DOK5: variants seen among roughly 807,000 people sequenced by gnomAD.
The protein encoded by DOK5 is docking protein 5.
DOK5 carries 27 observed loss-of-function variants against 43.3 expected under a neutral mutation model. The ratio of observed to expected loss-of-function variants is 0.62; its 90% CI spans 0.46 to 0.86. The LOEUF is 0.86. Among genes scored for constraint, DOK5 ranks in the 40% least tolerant of loss-of-function variants. The pLI, the probability that DOK5 is intolerant of heterozygous loss-of-function variation, is 0.00. For missense variants in DOK5, 373 were observed against 392.9 expected (o/e 0.95, Z 0.43); for synonymous variants, 146 against 140.1 (o/e 1.04, Z -0.30).
At chr20:54,650,380 A>G (rs368274278) in intron 7 of DOK5, 35 bp from the exon 8 acceptor site, 1 of 1,606,478 alleles carries the variant, frequency 6.2e-7, no homozygotes, top group Non-Finnish European at 8.5e-7. Context: ...CTTTCTTGAA[A>G]TGTAACTGTT....
At chr20:54,602,029 C>A (rs1986313816) in intron 5 of DOK5, among the ~76,000 whole-genome samples, 1 of 152,166 alleles carries the variant, frequency 6.6e-6, no homozygotes, top group Non-Finnish European at 1.5e-5. Flanking sequence ...GTCATTCTTG[C>A]TTCCCTACTG....
chr20:54,593,035 C>A (rs1050149506), intron 5 of DOK5, among the ~76,000 whole-genome samples: 1 of 152,180 alleles, frequency 6.6e-6, no homozygotes, highest in Non-Finnish European at 1.5e-5. Flanking sequence ...CTAAATACCC[C>A]AATCCATGTG....
chr20:54,508,288 T>A (rs969301801), intron 1 of DOK5, among the ~76,000 whole-genome samples: 20 of 151,966 alleles, frequency 1.3e-4, no homozygotes, highest in African/African-American at 4.6e-4. Context: ...TTACTACAAT[T>A]TTTCTTATTT....
At chr20:54,628,252 C>CA (rs1232322754) in intron 6 of DOK5, among the ~76,000 whole-genome samples, 31 of 151,126 alleles carry the variant, frequency 2.1e-4, no homozygotes, top group African/African-American at 7.3e-4. Context: ...ACTAAAAATA[C>CA]AAAAAAATTA....
At chr20:54,546,745 T>A (rs981723236) in intron 1 of DOK5, among the ~76,000 whole-genome samples, 2 of 152,150 alleles carry the variant, frequency 1.3e-5, no homozygotes, top group African/African-American at 4.8e-5. Flanking sequence ...CTTCATAGAA[T>A]AACTATAGAA....
chr20:54,649,594 G>T lies in DOK5; in HGVS notation c.857-821G>T, dbSNP rs551526013. On this transcript the variant is annotated intron_variant, in intron 7 of 7. Coordinates refer to ENST00000262593, the MANE Select transcript of DOK5 (RefSeq NM_018431.5). ...TGAGTCCTGAGATCTTCACCTAGCCGTGTACATTTCTTTGCTTGCGGTAAC... is the reference window on the plus strand; with the variant it reads ...TGAGTCCTGAGATCTTCACCTAGCCTTGTACATTTCTTTGCTTGCGGTAAC... Among the ~76,000 whole-genome samples, 9 of 152,214 alleles carry T rather than the reference G, an allele frequency of 5.9e-5. 1 individual carries two copies. The highest frequency in any genetic ancestry group is 5.9e-4 in the Admixed American group (9 of 15,300).
intron 1 of DOK5, among the ~76,000 whole-genome samples, chr20:54,496,353 G>GGTTATTAAAAAT (rs1386192879): frequency 6.6e-6 from 1 of 152,064 alleles, no homozygotes; most frequent in Non-Finnish European, 1.5e-5. Flanking sequence ...AGAATATAAG[G>GGTTATTAAAAAT]GTTATTAAAA....
At chr20:54,602,140 C>T (rs536285658) in intron 5 of DOK5, among the ~76,000 whole-genome samples, 13 of 152,244 alleles carry the variant, frequency 8.5e-5, no homozygotes, top group South Asian at 2.1e-4. Context: ...TTGGCTTTGA[C>T]GTTTTAAAGG....
intron 2 of DOK5, among the ~76,000 whole-genome samples, chr20:54,573,307 T>C (rs1472107440): frequency 6.6e-6 from 1 of 152,052 alleles, no homozygotes; most frequent in Non-Finnish European, 1.5e-5. Flanking sequence ...GCAGGGAGAA[T>C]GCTTGTTGGG....
chr20:54,477,704 G>A (rs1056594406), intron 1 of DOK5, among the ~76,000 whole-genome samples: 1 of 151,692 alleles, frequency 6.6e-6, no homozygotes, highest in East Asian at 1.9e-4. Context: ...GTCAATGGAA[G>A]GAATTGGTAT....
At chr20:54,607,609 G>C (rs539379944) in intron 5 of DOK5, among the ~76,000 whole-genome samples, 1 of 150,642 alleles carries the variant, frequency 6.6e-6, no homozygotes, top group Non-Finnish European at 1.5e-5. Context: ...ATTGGGGGCC[G>C]GGTGCAGTGA....
intron 7 of DOK5, among the ~76,000 whole-genome samples, chr20:54,645,659 C>A (rs1979377673): frequency 6.6e-6 from 1 of 151,982 alleles, no homozygotes; most frequent in African/African-American, 2.4e-5. Context: ...TCATAAGATG[C>A]AGATGATGGC....
At chr20:54,641,013 T>G (rs1487479073) in intron 6 of DOK5, among the ~76,000 whole-genome samples, 1 of 152,220 alleles carries the variant, frequency 6.6e-6, no homozygotes, top group African/African-American at 2.4e-5. Context: ...ATGAATTTTT[T>G]TATAGTATGT....
chr20:54,618,050 G>A (rs766325458), intron 6 of DOK5, among the ~76,000 whole-genome samples: 25 of 152,158 alleles, frequency 1.6e-4, no homozygotes, highest in Non-Finnish European at 2.5e-4. Flanking sequence ...GCAGGATACC[G>A]TGGCAAGTAG....
intron 2 of DOK5, among the ~76,000 whole-genome samples, chr20:54,567,468 C>A (rs1017598149): frequency 8.6e-5 from 13 of 151,854 alleles, no homozygotes; most frequent in Non-Finnish European, 1.6e-4. Flanking sequence ...GATTTTTTTA[C>A]CTTTGTCAAA....
chr20:54,479,049 G>A (rs1260805731), intron 1 of DOK5, among the ~76,000 whole-genome samples: 1 of 151,864 alleles, frequency 6.6e-6, no homozygotes, highest in African/African-American at 2.4e-5. Context: ...TGTACATATT[G>A]TATAATATAT....
At chr20:54,527,489 A>T (rs1356108743) in intron 1 of DOK5, among the ~76,000 whole-genome samples, 1 of 152,122 alleles carries the variant, frequency 6.6e-6, no homozygotes, top group Admixed American at 6.5e-5. Context: ...CAAACCTCTC[A>T]GGTTTGTGTG....
intron 2 of DOK5, among the ~76,000 whole-genome samples, chr20:54,585,340 T>A (rs1386944929): frequency 6.6e-6 from 1 of 152,198 alleles, no homozygotes; most frequent in Non-Finnish European, 1.5e-5. Context: ...TAAACCAATT[T>A]CCTAAATGGG....
chr20:54,603,940 ATTTTTTTT>A (rs35690531), intron 5 of DOK5, among the ~76,000 whole-genome samples: 74 of 76,274 alleles, frequency 9.7e-4, no homozygotes, highest in Non-Finnish European at 1.6e-3. Flanking sequence ...TTCAAACTGT[ATTTTTTTT>A]TTTTTTTTTT....
Sources: allele counts gnomAD v4.1 joint callset (sites outside exome capture counted in the v4.1 genomes callset), GRCh38; gene constraint gnomAD v4.1.1; transcripts MANE v1.5; gene names NCBI Gene and HGNC (gene_info 2026-07-23, HGNC 2026-07-21).